Variants in DNAJC10 observed in about 807,000 individuals in gnomAD.
DNAJC10 encodes the protein endoplasmic reticulum disulfide reductase DNAJC10.
Under a neutral mutation model 115.0 loss-of-function variants are expected in DNAJC10, and 101 were observed. The observed-to-expected ratio is 0.88, with a 90% CI of 0.75 to 1.04. The LOEUF (loss-of-function observed/expected upper bound fraction) is 1.04. DNAJC10 is among the 50% of genes least tolerant of loss of function. The probability of loss-of-function intolerance (pLI) is 0.00; values close to 1 mark genes in which losing one functional copy is unlikely to be tolerated. For missense variants in DNAJC10, 981 were observed against 928.8 expected (o/e 1.06, Z -0.73); for synonymous variants, 307 against 301.5 (o/e 1.02, Z -0.19).
At chr2:182,767,802 G>A (rs151068427) in intron 22 of DNAJC10, among the ~76,000 whole-genome samples, 6 of 152,236 alleles carry the variant, frequency 3.9e-5, no homozygotes, top group African/African-American at 7.2e-5. Flanking sequence ...TGAGACACCT[G>A]TGGCCTTGTA....
At chr2:182,726,740 G>A (rs1026768572) in intron 5 of DNAJC10, among the ~76,000 whole-genome samples, 2 of 152,144 alleles carry the variant, frequency 1.3e-5, no homozygotes, top group African/African-American at 4.8e-5. Context: ...TACCAATAAA[G>A]TTATTTTTTG....
chr2:182,736,514 T>G lies in DNAJC10; in HGVS notation c.987+128T>G, dbSNP rs559363905. 4.6e-5 allele frequency: 24 copies of G among 522,062 alleles called. No homozygotes were observed. The South Asian group carries it at 1.5e-3, about 33-fold the overall frequency. The allele number at this position is 522,062 out of a possible 1,614,324, so 32.3% of individuals were successfully genotyped here. A position where few individuals can be genotyped will look rare whatever the true frequency, so the allele number is the denominator to read the frequency against. On this transcript the variant is annotated intron_variant, in intron 11 of 23. Transcript: ENST00000264065. ...TATTGTCTGATTGTGGAACCCTTAT[T>G]TAGAACACATACTTAATTTCTGAGA...
intron 14 of DNAJC10, among the ~76,000 whole-genome samples, chr2:182,747,828 C>T (rs1190663071): frequency 8.0e-4 from 107 of 133,706 alleles, no homozygotes; most frequent in Admixed American, 1.2e-3. Flanking sequence ...GGGAATGCTT[C>T]CAGTTTTTGC....
Position 182,794,241 on chromosome 2 carries a change from A to T in DNAJC10, c.*17109A>T, listed in dbSNP as rs1240194728. On this transcript the variant is annotated 3_prime_UTR_variant, in exon 24 of 24. Coordinates refer to ENST00000264065, the MANE Select transcript of DNAJC10 (RefSeq NM_018981.4). ...TCTGAGGAGAAAGAATGAGGCAATA[A>T]GTCAGATGCGTATTTGCGGACCTCA... The T allele has an allele frequency of 6.6e-6, 1 of 152,192 alleles. No homozygotes were observed. The highest frequency in any genetic ancestry group is 1.5e-5 in the Non-Finnish European group (1 of 68,044). The allele number at this position is 152,192 out of a possible 1,614,324, so 9.4% of individuals were successfully genotyped here.
At chr2:182,732,132 C>T (rs543425784) in intron 9 of DNAJC10, among the ~76,000 whole-genome samples, 2 of 152,026 alleles carry the variant, frequency 1.3e-5, no homozygotes, top group African/African-American at 4.8e-5. Context: ...TTATATACTT[C>T]TATCAAATAT....
intron 14 of DNAJC10, among the ~76,000 whole-genome samples, chr2:182,749,114 GA>G (rs1244605094): frequency 6.6e-6 from 1 of 151,988 alleles, no homozygotes; most frequent in Non-Finnish European, 1.5e-5. Context: ...GTGCAGTGCT[GA>G]AAAAAATGTA....
chr2:182,718,642 T>C (rs1203007618), intron 3 of DNAJC10, among the ~76,000 whole-genome samples: 1 of 152,220 alleles, frequency 6.6e-6, no homozygotes, highest in Non-Finnish European at 1.5e-5. Flanking sequence ...AAAATATTTT[T>C]TTAAAACTCA....
rs1694914190 is a variant in DNAJC10 at position 182,784,623 on chromosome 2, T to G, written c.*7491T>G. 6.6e-6 allele frequency: 1 copy of G among 152,234 alleles called. No individual in the cohort carries two copies. The highest frequency in any genetic ancestry group is 1.5e-5 in the Non-Finnish European group (1 of 68,044). 9.4% of individuals were successfully genotyped at this position (152,234 alleles called of 1,614,324 possible). A position where few individuals can be genotyped will look rare whatever the true frequency, so the allele number is the denominator to read the frequency against. On this transcript the variant is annotated 3_prime_UTR_variant, in exon 24 of 24. Transcript: ENST00000264065. ...AATTATAAATTCATTGTTTTATGCC[T>G]TAAAAATTATAAATAATGATAAGTT...
At position 182,787,150 on chromosome 2, in the gene DNAJC10, A is replaced by T. The variant is rs1259865771; in HGVS notation, c.*10018A>T. ...CCTGGACAGACAATATATTGAAAAA[A>T]ATCAGTTTTGCAGTTCCACTGGTCA... On this transcript the variant is annotated 3_prime_UTR_variant, in exon 24 of 24. Coordinates refer to ENST00000264065, the MANE Select transcript of DNAJC10 (RefSeq NM_018981.4). 1 of 152,202 alleles carries T rather than the reference A, an allele frequency of 6.6e-6. No homozygotes were observed. The highest frequency in any genetic ancestry group is 2.4e-5 in the African/African-American group (1 of 41,432). The allele number at this position is 152,202 out of a possible 1,614,324, so 9.4% of individuals were successfully genotyped here.
rs1695038582 is a variant in DNAJC10 at position 182,790,931 on chromosome 2, G to A, written c.*13799G>A. The A allele has an allele frequency of 6.6e-6, 1 of 151,726 alleles. No homozygotes were observed. The highest frequency in any genetic ancestry group is 1.5e-5 in the Non-Finnish European group (1 of 67,976). The allele number at this position is 151,726 out of a possible 1,614,324, so 9.4% of individuals were successfully genotyped here. On this transcript the variant is annotated 3_prime_UTR_variant, in exon 24 of 24. Transcript: ENST00000264065. ...TGCTTTATTCTCTTATTTCTTCCAA[G>A]TAACCATATTCTCTTTTACCCTCCT...
Position 182,737,679 on chromosome 2 carries a change from C to T in DNAJC10, c.987+1293C>T, listed in dbSNP as rs529713256. 9.2e-5 allele frequency among the ~76,000 whole-genome samples: 14 copies of T among 152,240 alleles called. No homozygotes were observed. The South Asian group carries it at 2.9e-3, about 32-fold the overall frequency. Reference sequence around the variant, plus strand: ...CATATCACTGCTCATTCAATATCTTCCTTAGGATATTAGTCAGTGTCTCAA... The same window carrying T: ...CATATCACTGCTCATTCAATATCTTTCTTAGGATATTAGTCAGTGTCTCAA... On this transcript the variant is annotated intron_variant, in intron 11 of 23. Coordinates refer to ENST00000264065, the MANE Select transcript of DNAJC10 (RefSeq NM_018981.4).
chr2:182,737,491 A>AAT lies in DNAJC10; in HGVS notation c.987+1112_987+1113dup, dbSNP rs1161015014. On this transcript the variant is annotated intron_variant, in intron 11 of 23. Transcript: ENST00000264065. ...AAATACCCATCCAGATCTCTACTGA[A>AAT]ATATATATGCAATTACGACTTTGTG... is the stretch of plus-strand genomic sequence containing the variant. 4.6e-5 allele frequency among the ~76,000 whole-genome samples: 7 copies of AAT among 152,278 alleles called. No homozygotes were observed. In the East Asian group the frequency reaches 1.4e-3, roughly 29 times the overall value.
chr2:182,740,205 C>T (rs560710647), intron 11 of DNAJC10, 94 bp from the exon 12 acceptor site: 43 of 1,168,160 alleles, frequency 3.7e-5, no homozygotes, highest in South Asian at 7.9e-5. Flanking sequence ...AATCATTTTC[C>T]TAAAAATACT....
chr2:182,750,450 T>C (rs1158171884), intron 14 of DNAJC10, among the ~76,000 whole-genome samples: 1 of 152,194 alleles, frequency 6.6e-6, no homozygotes, highest in Non-Finnish European at 1.5e-5. Flanking sequence ...ATAATTATGT[T>C]ATTGCCAAGA....
chr2:182,774,122 A>G (rs1694641559), intron 22 of DNAJC10, among the ~76,000 whole-genome samples: 1 of 151,998 alleles, frequency 6.6e-6, no homozygotes, highest in Admixed American at 6.6e-5. Context: ...CTGGAGGTCC[A>G]CTCCAGACCC....
At chr2:182,732,607 G>C in intron 10 of DNAJC10, 65 bp downstream of exon 10, 1 of 1,481,500 alleles carries the variant, frequency 6.7e-7, no homozygotes, top group Non-Finnish European at 9.4e-7. Context: ...AAATTGATTT[G>C]AAACATTTTC....
At chr2:182,740,226 T>C (rs1693697006) in intron 11 of DNAJC10, 73 bp from the exon 12 acceptor site, 1 of 1,198,510 alleles carries the variant, frequency 8.3e-7, no homozygotes, top group Non-Finnish European at 1.1e-6. Context: ...ACATTGGAAA[T>C]TGAAAAAACA....
rs2105635964 is a variant in DNAJC10, at chr2:182,736,248, G to C, written c.850-1G>C. On this transcript the variant is annotated splice_acceptor_variant, in intron 10 of 23. Transcript: ENST00000264065. LOFTEE classifies it high-confidence loss of function. The stretch of plus-strand genomic sequence containing the variant: ...TGGTTTGTTGTTTCTTTCCATTTTA[G>C]GATGGTCTTGTTAATGTAGGATGGA... 1 of 1,554,374 alleles carries C rather than the reference G, an allele frequency of 6.4e-7. No individual in the cohort carries two copies. Among genetic ancestry groups the C allele is most frequent in the Non-Finnish European group, 8.6e-7 (1 of 1,159,420 alleles).
chr2:182,751,334 C>A (rs1024853525), intron 14 of DNAJC10, among the ~76,000 whole-genome samples: 2 of 151,762 alleles, frequency 1.3e-5, no homozygotes, highest in African/African-American at 2.4e-5. Flanking sequence ...GGGGGTTTCA[C>A]CATGTTGGCC....
Sources: gnomAD v4.1 joint callset for allele counts (sites outside exome capture counted in the v4.1 genomes callset) on GRCh38, gnomAD v4.1.1 for gene constraint, MANE v1.5 for transcripts, NCBI Gene and HGNC (gene_info 2026-07-23, HGNC 2026-07-21) for gene names.